The following RP1 variants were observed in gnomAD, a reference collection of about 807,000 sequenced individuals.
The protein encoded by RP1 is RP1 axonemal microtubule associated.
Under a neutral mutation model 14.8 loss-of-function variants are expected in RP1, and 16 were observed. The observed-to-expected ratio is 1.08, with a 90% CI of 0.73 to 1.65. RP1 has a LOEUF of 1.65. Among genes scored for constraint, RP1 ranks in the 40% most tolerant of loss-of-function variants. The pLI, the probability that RP1 is intolerant of heterozygous loss-of-function variation, is 0.00. For synonymous variants in RP1, 876 were observed against 883.6 expected (o/e 0.99, Z 0.15); for missense variants, 2,631 against 2,535.0 (o/e 1.04, Z -0.81).
intron 1 of RP1, among the ~76,000 whole-genome samples, chr8:54,607,887 T>C (rs1320102571): frequency 4.6e-5 from 7 of 152,128 alleles, no homozygotes; most frequent in African/African-American, 1.7e-4. Flanking sequence ...GCTAAGACCA[T>C]TGGAAAAGTG....
chr8:54,850,683 G>C (rs142442822), intron 25 of RP1, among the ~76,000 whole-genome samples: 7 of 152,282 alleles, frequency 4.6e-5, no homozygotes, highest in African/African-American at 1.4e-4. Flanking sequence ...TTTGGGTTAA[G>C]TTAGATAAAG....
chr8:54,688,894 A>G (rs1379443116), intron 12 of RP1, among the ~76,000 whole-genome samples: 2 of 152,150 alleles, frequency 1.3e-5, no homozygotes, highest in Non-Finnish European at 2.9e-5. Context: ...TCTACAAATT[A>G]CCTTGGGCAG....
At chr8:54,704,346 G>A (rs1808099492) in intron 14 of RP1, among the ~76,000 whole-genome samples, 1 of 152,100 alleles carries the variant, frequency 6.6e-6, no homozygotes, top group Non-Finnish European at 1.5e-5. Flanking sequence ...AGAGAGATAG[G>A]GGAATGACTG....
intron 12 of RP1, among the ~76,000 whole-genome samples, chr8:54,692,401 C>T (rs1489474054): frequency 2.1e-5 from 1 of 48,042 alleles, no homozygotes; most frequent in Non-Finnish European, 3.5e-5. Flanking sequence ...CACTGACTTC[C>T]ACAATGGTGG....
chr8:54,582,198 T>G (rs1052542847), intron 1 of RP1, among the ~76,000 whole-genome samples: 1 of 152,024 alleles, frequency 6.6e-6, no homozygotes, highest in African/African-American at 2.4e-5. Context: ...AAGGAAGGGA[T>G]CCAGTTTCAG....
rs747095891 is a variant in RP1 at position 54,629,007 on chromosome 8, G to A, written c.5125G>A (p.Val1709Met). 6.2e-7 allele frequency: 1 copy of A among 1,614,092 alleles called. No individual in the cohort carries two copies. Among genetic ancestry groups the A allele is most frequent in the Non-Finnish European group, 8.5e-7 (1 of 1,179,972 alleles). Residue 1709 changes from valine (V) to methionine (M), a missense_variant, in exon 4 of 4, where the codon GTG becomes ATG. Val to Met is a conservative substitution (Grantham distance 21, BLOSUM62 1). Transcript: ENST00000220676. The stretch of plus-strand genomic sequence containing the variant: ...ACAAGATAAGTGTGATGTTAGTGCT[G>A]TGAGGGACAATTATTGTAGGGGTGA... ...ERQDKCDVSAVRDNYCRGDIV... is the reference protein window; with the variant it reads ...ERQDKCDVSAMRDNYCRGDIV...
At chr8:54,851,426 C>T (rs1812059360) in intron 25 of RP1, among the ~76,000 whole-genome samples, 1 of 152,170 alleles carries the variant, frequency 6.6e-6, no homozygotes, top group South Asian at 2.1e-4. Flanking sequence ...TCTCAGTGAA[C>T]AGAAGCCTGG....
At chr8:54,802,663 C>A (rs1810741113) in intron 24 of RP1, among the ~76,000 whole-genome samples, 1 of 152,182 alleles carries the variant, frequency 6.6e-6, no homozygotes, top group East Asian at 1.9e-4. Flanking sequence ...CTATGATACA[C>A]ACAATAGGTT....
chr8:54,684,597 A>G (rs1202462998), intron 12 of RP1, among the ~76,000 whole-genome samples: 2 of 152,110 alleles, frequency 1.3e-5, no homozygotes, highest in African/African-American at 4.8e-5. Flanking sequence ...GTTTGTGTAC[A>G]TAGAGGTGTT....
Position 54,844,784 on chromosome 8 carries a change from T to C in RP1, c.3835+7115T>C, listed in dbSNP as rs117436105. Among the ~76,000 whole-genome samples the C allele has an allele frequency of 4.2e-4, 64 of 152,324 alleles. 1 individual carries two copies. In the East Asian group the frequency reaches 0.012, roughly 28 times the overall value. Reference sequence around the variant, plus strand: ...TATTCTTATGTGATCCTATAGTTGATTTGTTAAATGGAGAATATTTCCCGA... The same window carrying C: ...TATTCTTATGTGATCCTATAGTTGACTTGTTAAATGGAGAATATTTCCCGA... On this transcript the variant is annotated intron_variant, in intron 25 of 28. Coordinates refer to the RP1 transcript ENST00000637698.
chr8:54,696,655 C>A, intron 12 of RP1: 2 of 822,704 alleles, frequency 2.4e-6, no homozygotes, highest in Non-Finnish European at 3.9e-6. Context: ...ATAAACATTC[C>A]TTGGCCTTTG....
chr8:54,699,958 T>G (rs1320680697), intron 13 of RP1, among the ~76,000 whole-genome samples: 1 of 152,186 alleles, frequency 6.6e-6, no homozygotes, highest in East Asian at 1.9e-4. Context: ...TATTTATTTT[T>G]TAAAATAATA....
intron 7 of RP1, among the ~76,000 whole-genome samples, chr8:54,671,492 A>T (rs1415394926): frequency 2.6e-5 from 4 of 151,894 alleles, no homozygotes; most frequent in Non-Finnish European, 5.9e-5. Context: ...ATGGTGTCTC[A>T]TGAGTTTCTT....
intron 16 of RP1, among the ~76,000 whole-genome samples, chr8:54,724,726 C>T (rs1808613630): frequency 6.6e-6 from 1 of 152,140 alleles, no homozygotes; most frequent in Non-Finnish European, 1.5e-5. Context: ...GGGAAGCCTT[C>T]TCTACAGAGC....
At chr8:54,861,805 T>C (rs1387866588) in intron 27 of RP1, among the ~76,000 whole-genome samples, 2 of 152,172 alleles carry the variant, frequency 1.3e-5, no homozygotes, top group Admixed American at 6.6e-5. Context: ...GGTTTTGCCA[T>C]GTTGGCCAGG....
chr8:54,833,768 A>T (rs1498170), intron 24 of RP1, among the ~76,000 whole-genome samples: 44,550 of 151,666 alleles, frequency 0.29, 6,685 homozygotes, highest in South Asian at 0.34. Context: ...TTGTTAAATT[A>T]AAAAAATACA....
chr8:54,636,291 A>C (rs1393271479), intron 3 of RP1, among the ~76,000 whole-genome samples: 1 of 152,236 alleles, frequency 6.6e-6, no homozygotes, highest in Non-Finnish European at 1.5e-5. Flanking sequence ...CTTAGGCAAT[A>C]GGCATCCTTC....
chr8:54,589,942 A>T (rs1323931430), intron 1 of RP1, among the ~76,000 whole-genome samples: 1 of 152,090 alleles, frequency 6.6e-6, no homozygotes, highest in Admixed American at 6.5e-5. Context: ...TCTTTCTGAG[A>T]TGATTTTATC....
At position 54,629,844 on chromosome 8, in the gene RP1, A is replaced by G; in HGVS notation, c.5962A>G (p.Ile1988Val). The G allele has an allele frequency of 6.2e-7, 1 of 1,613,654 alleles. No homozygotes were observed. The highest frequency in any genetic ancestry group is 1.3e-5 in the African/African-American group (1 of 75,038). The stretch of plus-strand genomic sequence containing the variant: ...TCTTATTGATAATGCCATTGGTGAT[A>G]TATTTGATCAGTTTTATTTCAGTAA... Reference protein sequence around the residue: ...QNLIDNAIGDIFDQFYFSNTF... With the variant: ...QNLIDNAIGDVFDQFYFSNTF... Residue 1988 changes from isoleucine (I) to valine (V), a missense_variant, in exon 4 of 4, where the codon ATA (isoleucine) becomes GTA (valine). Physicochemically the swap from Ile to Val is conservative, Grantham distance 29. Coordinates refer to ENST00000220676, the MANE Select transcript of RP1 (RefSeq NM_006269.2).
Sources: allele counts gnomAD v4.1 joint callset (sites outside exome capture counted in the v4.1 genomes callset), GRCh38; gene constraint gnomAD v4.1.1; transcripts MANE v1.5; gene names NCBI Gene and HGNC (gene_info 2026-07-23, HGNC 2026-07-21).